Variants in TMEM272 observed in about 807,000 individuals in gnomAD.
TMEM272 encodes the protein transmembrane protein 272, also known as long intergenic non-protein coding RNA 282.
A neutral mutation model predicts 3.7 loss-of-function variants in TMEM272; 8 were observed. The ratio of observed to expected loss-of-function variants is 2.17; its 90% CI spans 1.27 to 3.91. The LOEUF (loss-of-function observed/expected upper bound fraction) is 3.91. TMEM272 is among the 30% of genes most tolerant of loss of function. The probability of loss-of-function intolerance (pLI) is 0.00; values close to 1 mark genes in which losing one functional copy is unlikely to be tolerated. For missense variants in TMEM272, 166 were observed against 91.5 expected, an observed-to-expected ratio of 1.81 and a Z score of -3.32; for synonymous variants, 63 against 39.8, an observed-to-expected ratio of 1.58 and a Z score of -2.20.
chr13:51,884,818 A>G, the TMEM272 span, among the ~76,000 whole-genome samples: 9 of 152,204 alleles, frequency 5.9e-5, no homozygotes, highest in African/African-American at 2.2e-4. Context: ...GATACATGTA[A>G]AGCACTTAGG....
chr13:51,919,164 C>T, the TMEM272 span, among the ~76,000 whole-genome samples: 1 of 152,294 alleles, frequency 6.6e-6, no homozygotes, highest in South Asian at 2.1e-4. Flanking sequence ...ACTGATTCAC[C>T]TGAGCCTGCT....
intron 2 of TMEM272, among the ~76,000 whole-genome samples, chr13:51,830,018 A>G (rs1424588906): frequency 6.6e-6 from 1 of 152,312 alleles, no homozygotes; most frequent in African/African-American, 2.4e-5. Flanking sequence ...GTACAAACAG[A>G]TCTTGTCAAA....
At chr13:51,920,229 G>A in the TMEM272 span, among the ~76,000 whole-genome samples, 1 of 152,040 alleles carries the variant, frequency 6.6e-6, no homozygotes, top group Non-Finnish European at 1.5e-5. Flanking sequence ...TCTGATAACA[G>A]CTAGTTATAG....
chr13:51,926,654 G>T, the TMEM272 span, among the ~76,000 whole-genome samples: 1 of 151,152 alleles, frequency 6.6e-6, no homozygotes, highest in African/African-American at 2.4e-5. Flanking sequence ...TGTGGGTGTG[G>T]GTGTGTGTGC....
intron 4 of TMEM272, among the ~76,000 whole-genome samples, chr13:51,818,323 G>A (rs769036522): frequency 2.0e-5 from 3 of 152,232 alleles, no homozygotes; most frequent in Non-Finnish European, 4.4e-5. Context: ...GATGGGAACA[G>A]CGAACCCCAA....
At chr13:51,908,216 G>C in the TMEM272 span, 1 of 712,832 alleles carries the variant, frequency 1.4e-6, no homozygotes, top group Non-Finnish European at 2.4e-6. Flanking sequence ...ATATTATCAG[G>C]TTTCTTGCCG....
At chr13:51,911,397 C>G in the TMEM272 span, among the ~76,000 whole-genome samples, 1 of 152,208 alleles carries the variant, frequency 6.6e-6, no homozygotes. Context: ...GCACTTAAAA[C>G]AGTGCTGTCA....
At position 51,813,669 on chromosome 13, in the gene TMEM272, G is replaced by A. The variant is rs867206877; in HGVS notation, c.*3082C>T. On this transcript the variant is annotated 3_prime_UTR_variant, in exon 5 of 5. Transcript: ENST00000629372. ...GATTCTGCATTGCAAACAAGTCCTT[G>A]GGTAGCTCTCAGGGTTCACCAAGAT... 8.1e-5 allele frequency: 14 copies of A among 172,160 alleles called. No individual in the cohort carries two copies. The highest frequency in any genetic ancestry group is 1.2e-4 in the Non-Finnish European group (10 of 81,764). The allele number at this position is 172,160 out of a possible 1,614,324, so 10.7% of individuals were successfully genotyped here.
the TMEM272 span, among the ~76,000 whole-genome samples, chr13:51,852,339 T>C: frequency 6.6e-6 from 1 of 152,258 alleles, no homozygotes; most frequent in East Asian, 1.9e-4. Flanking sequence ...ATTGGGTTGG[T>C]GGTCTTTGTC....
the TMEM272 span, chr13:51,908,588 A>G: frequency 1.2e-3 from 1,865 of 1,510,884 alleles, 19 homozygotes; most frequent in African/African-American, 0.022. Context: ...CATTTCCAGC[A>G]GGGAGAGATG....
the TMEM272 span, among the ~76,000 whole-genome samples, chr13:51,932,195 C>CT: frequency 4.6e-5 from 7 of 152,108 alleles, no homozygotes. Flanking sequence ...TTACACCCCC[C>CT]GGCCACCCCA....
At chr13:51,904,059 T>C in the TMEM272 span, among the ~76,000 whole-genome samples, 1 of 151,896 alleles carries the variant, frequency 6.6e-6, no homozygotes, top group Non-Finnish European at 1.5e-5. Flanking sequence ...GAACACTCAA[T>C]CTAACACACA....
At chr13:51,910,093 C>A in the TMEM272 span, 1 of 1,094,094 alleles carries the variant, frequency 9.1e-7, no homozygotes, top group African/African-American at 1.5e-5. Flanking sequence ...GACTCATCTT[C>A]TAGAGACTGT....
intron 1 of TMEM272, among the ~76,000 whole-genome samples, chr13:51,842,010 CT>C (rs1956267837): frequency 6.6e-6 from 1 of 152,046 alleles, no homozygotes; most frequent in South Asian, 2.1e-4. Context: ...TTGTGTTCAA[CT>C]TCCCTTACAA....
At chr13:51,865,526 G>T in the TMEM272 span, 2 of 1,614,238 alleles carry the variant, frequency 1.2e-6, no homozygotes, top group African/African-American at 1.3e-5. Flanking sequence ...GGAGGAAAAG[G>T]CTTTTCGCGA....
chr13:51,920,400 T>C, the TMEM272 span, among the ~76,000 whole-genome samples: 6 of 152,294 alleles, frequency 3.9e-5, no homozygotes, highest in East Asian at 1.2e-3. Context: ...AGGGTCTGGG[T>C]AGGGCATGGC....
At chr13:51,915,822 C>A in the TMEM272 span, among the ~76,000 whole-genome samples, 1 of 152,182 alleles carries the variant, frequency 6.6e-6, no homozygotes, top group African/African-American at 2.4e-5. Context: ...GCCTGTAAAT[C>A]CCAACACTTT....
chr13:51,906,394 G>T, the TMEM272 span, among the ~76,000 whole-genome samples: 1 of 152,112 alleles, frequency 6.6e-6, no homozygotes, highest in East Asian at 1.9e-4. Context: ...AGCAAGACAG[G>T]GAGCCCCTAG....
At chr13:51,820,690 C>T (rs1013969639) in intron 4 of TMEM272, among the ~76,000 whole-genome samples, 4 of 152,156 alleles carry the variant, frequency 2.6e-5, no homozygotes, top group African/African-American at 4.8e-5. Flanking sequence ...CTGCTGAAAA[C>T]GCTGCCCTTG....
Sources: allele counts gnomAD v4.1 joint callset (sites outside exome capture counted in the v4.1 genomes callset), GRCh38; gene constraint gnomAD v4.1.1; transcripts MANE v1.5; gene names NCBI Gene and HGNC (gene_info 2026-07-23, HGNC 2026-07-21).